Variants in YJU2 observed in about 807,000 individuals in gnomAD.
YJU2 encodes the protein splicing factor YJU2.
A neutral mutation model predicts 39.6 loss-of-function variants in YJU2; 28 were observed. The ratio of observed to expected loss-of-function variants is 0.71; its 90% CI spans 0.52 to 0.97. YJU2 has a LOEUF of 0.97. Ranked by LOEUF, YJU2 falls within the 50% of genes least tolerant of loss-of-function variation. YJU2 has a pLI of 0.00. For missense variants in YJU2, 328 were observed against 430.4 expected, an observed-to-expected ratio of 0.76 and a Z score of 2.11; for synonymous variants, 184 against 182.4, an observed-to-expected ratio of 1.01 and a Z score of -0.07.
intron 6 of YJU2, 51 bp downstream of exon 6, chr19:4,262,165 T>G (rs1236580907): frequency 6.5e-7 from 1 of 1,539,636 alleles, no homozygotes; most frequent in Non-Finnish European, 8.7e-7. Flanking sequence ...TAGGGACAAC[T>G]GAAGCCAGGG....
intron 6 of YJU2, among the ~76,000 whole-genome samples, chr19:4,263,869 AC>A (rs1158978277): frequency 6.6e-6 from 1 of 150,876 alleles, no homozygotes; most frequent in East Asian, 2.0e-4. Flanking sequence ...ATTTTCCACC[AC>A]AGCTGACTCA....
intron 3 of YJU2, 24 bp downstream of exon 3, chr19:4,251,195 C>T (rs745978024): frequency 8.1e-6 from 13 of 1,609,466 alleles, no homozygotes; most frequent in East Asian, 2.2e-5. Flanking sequence ...CCGGCCAGGC[C>T]GGTCCCTCTC....
chr19:4,265,785 G>A (rs993502798), intron 6 of YJU2, among the ~76,000 whole-genome samples: 2 of 150,126 alleles, frequency 1.3e-5, no homozygotes, highest in Non-Finnish European at 3.0e-5. Flanking sequence ...TTAATAAAGA[G>A]ACGGGGTTTC....
intron 6 of YJU2, among the ~76,000 whole-genome samples, chr19:4,266,176 A>G (rs191821264): frequency 6.6e-6 from 1 of 151,820 alleles, no homozygotes; most frequent in African/African-American, 2.4e-5. Flanking sequence ...GATGGTCTCT[A>G]TCTGACCTCG....
rs1971136017 is a variant in YJU2, at chr19:4,268,579, A to G, written c.860-5A>G. ...GAGATGAGCTAACTCTCGCTCTCCCACCAGGAGCCCCGCAGAACAGGAAGG... is the reference window on the plus strand; with the variant it reads ...GAGATGAGCTAACTCTCGCTCTCCCGCCAGGAGCCCCGCAGAACAGGAAGG... On this transcript the variant is annotated splice_polypyrimidine_tract_variant and splice_region_variant and intron_variant, in intron 7 of 7. Transcript: ENST00000262962. 6.2e-7 allele frequency: 1 copy of G among 1,606,122 alleles called. No homozygotes were observed. The highest frequency in any genetic ancestry group is 1.3e-5 in the African/African-American group (1 of 74,726).
At chr19:4,253,014 T>G (rs1970989812) in intron 3 of YJU2, among the ~76,000 whole-genome samples, 2 of 149,644 alleles carry the variant, frequency 1.3e-5, no homozygotes, top group Admixed American at 6.7e-5. Flanking sequence ...ACCTACCCCC[T>G]CACCAACTTC....
At chr19:4,259,654 C>T (rs1222434667) in intron 5 of YJU2, among the ~76,000 whole-genome samples, 1 of 152,070 alleles carries the variant, frequency 6.6e-6, no homozygotes, top group Non-Finnish European at 1.5e-5. Flanking sequence ...TGCTGGATGA[C>T]ACGTGTGAGC....
intron 1 of YJU2, among the ~76,000 whole-genome samples, chr19:4,247,585 GTGTGTGTGTGTGTGTGTGTGT>G (rs1970933662): frequency 3.6e-5 from 1 of 27,490 alleles, no homozygotes; most frequent in Non-Finnish European, 9.2e-5. Context: ...GGTGGCGCGT[GTGTGTGTGTGTGTGTGTGTGT>G]GTGTGTGTGT....
chr19:4,262,793 A>G (rs764059377), intron 6 of YJU2, among the ~76,000 whole-genome samples: 1 of 152,112 alleles, frequency 6.6e-6, no homozygotes, highest in Non-Finnish European at 1.5e-5. Flanking sequence ...CTGTGGTCCC[A>G]GCTGTTTGAG....
intron 6 of YJU2, among the ~76,000 whole-genome samples, chr19:4,266,365 C>T (rs1002207950): frequency 2.6e-5 from 4 of 152,166 alleles, no homozygotes; most frequent in Admixed American, 6.6e-5. Context: ...CCTGCCCTGG[C>T]ACTTCCTGAA....
intron 3 of YJU2, among the ~76,000 whole-genome samples, chr19:4,252,583 G>A (rs58462411): frequency 0.33 from 49,692 of 151,704 alleles, 8,430 homozygotes; most frequent in South Asian, 0.46. Flanking sequence ...CAGCCTGGGC[G>A]ACAGAGCGAG....
At chr19:4,247,326 C>T (rs1266995493) in intron 1 of YJU2, 156 bp downstream of exon 1, 1 of 621,936 alleles carries the variant, frequency 1.6e-6, no homozygotes, top group African/African-American at 1.9e-5. Flanking sequence ...GACTCCTCCC[C>T]ATCGCCTTCC....
At chr19:4,254,208 C>T (rs532805407) in intron 3 of YJU2, 147 bp from the exon 4 acceptor site, 205 of 698,564 alleles carry the variant, frequency 2.9e-4, no homozygotes, top group Non-Finnish European at 4.9e-4. Context: ...GAAGAAATCT[C>T]ACCAGTCAAA....
chr19:4,258,022 C>T (rs771491241), intron 4 of YJU2, among the ~76,000 whole-genome samples: 1 of 152,332 alleles, frequency 6.6e-6, no homozygotes, highest in Non-Finnish European at 1.5e-5. Flanking sequence ...CCGGCTCCAC[C>T]ACTGCTCAGC....
chr19:4,269,073 A>C lies in YJU2; in HGVS notation c.*377A>C. ...TTCCACAAACTGTCTAGAACCAATA[A>C]AAGGAAACCTGCCAACCGCCTGGGC... On this transcript the variant is annotated 3_prime_UTR_variant, in exon 8 of 8. Transcript: ENST00000262962. 1 of 189,506 alleles carries C rather than the reference A, an allele frequency of 5.3e-6. No individual in the cohort carries two copies. The highest frequency in any genetic ancestry group is 1.1e-5 in the Non-Finnish European group (1 of 90,962). The allele number at this position is 189,506 out of a possible 1,614,324, so 11.7% of individuals were successfully genotyped here.
chr19:4,268,553 T>G, intron 7 of YJU2, 31 bp from the exon 8 acceptor site: 9 of 1,503,040 alleles, frequency 6.0e-6, no homozygotes, highest in Non-Finnish European at 8.3e-6. Context: ...GCTGTGGAGC[T>G]GAGATGAGCT....
chr19:4,249,140 A>G, intron 1 of YJU2, 88 bp from the exon 2 acceptor site: 1 of 888,406 alleles, frequency 1.1e-6, no homozygotes, highest in Non-Finnish European at 1.8e-6. Context: ...GGGACCCCCG[A>G]CACAGCTCCC....
intron 4 of YJU2, among the ~76,000 whole-genome samples, chr19:4,257,287 A>C (rs1020138279): frequency 1.3e-5 from 2 of 151,660 alleles, no homozygotes; most frequent in African/African-American, 4.8e-5. Flanking sequence ...GTCTTTTACA[A>C]TTTTTCCTTA....
chr19:4,259,348 G>A (rs1222671643), intron 5 of YJU2, among the ~76,000 whole-genome samples: 3 of 151,710 alleles, frequency 2.0e-5, no homozygotes, highest in Non-Finnish European at 4.4e-5. Flanking sequence ...CAAAGTGCTG[G>A]GATTGCAGGC....
Sources: allele counts gnomAD v4.1 joint callset (sites outside exome capture counted in the v4.1 genomes callset), GRCh38; gene constraint gnomAD v4.1.1; transcripts MANE v1.5; gene names NCBI Gene and HGNC (gene_info 2026-07-23, HGNC 2026-07-21).